The following PPP1R9A variants were observed in gnomAD, a reference collection of about 807,000 sequenced individuals.
The protein encoded by PPP1R9A is neurabin-1.
PPP1R9A carries 59 observed loss-of-function variants against 141.9 expected under a neutral mutation model. That is an observed-to-expected ratio of 0.42 (90% CI 0.34 to 0.52). The LOEUF (loss-of-function observed/expected upper bound fraction) is 0.52, where lower values mean the gene tolerates loss of function less well. Among genes scored for constraint, PPP1R9A ranks in the 20% least tolerant of loss-of-function variants. The pLI, the probability that PPP1R9A is intolerant of heterozygous loss-of-function variation, is 0.10. For synonymous variants in PPP1R9A, 500 were observed against 569.7 expected, an observed-to-expected ratio of 0.88 and a Z score of 1.74; for missense variants, 1,444 against 1,611.9, an observed-to-expected ratio of 0.90 and a Z score of 1.78.
intron 2 of PPP1R9A, among the ~76,000 whole-genome samples, chr7:95,006,889 T>G (rs2151577738): frequency 6.6e-6 from 1 of 150,892 alleles, no homozygotes; most frequent in African/African-American, 2.4e-5. Flanking sequence ...AGAGACGGAG[T>G]TTCGCGCTTG....
intron 2 of PPP1R9A, among the ~76,000 whole-genome samples, chr7:94,920,445 G>A (rs950147938): frequency 2.6e-5 from 4 of 151,894 alleles, no homozygotes; most frequent in Non-Finnish European, 4.4e-5. Flanking sequence ...AGAAGACAGC[G>A]AAATACAGTA....
chr7:94,918,713 G>A (rs933734661), intron 2 of PPP1R9A, among the ~76,000 whole-genome samples: 55 of 150,908 alleles, frequency 3.6e-4, no homozygotes, highest in African/African-American at 1.3e-3. Flanking sequence ...ACTTACTTCT[G>A]GACATTTCTT....
intron 2 of PPP1R9A, among the ~76,000 whole-genome samples, chr7:95,044,812 G>T (rs913512548): frequency 1.2e-4 from 18 of 151,092 alleles, no homozygotes; most frequent in African/African-American, 4.4e-4. Flanking sequence ...CGCTCAAGTG[G>T]TCCTCCCTCC....
intron 2 of PPP1R9A, among the ~76,000 whole-genome samples, chr7:95,032,057 C>A (rs1807766002): frequency 6.6e-6 from 1 of 152,094 alleles, no homozygotes; most frequent in African/African-American, 2.4e-5. Context: ...TGATATATAG[C>A]CTTTTGAGAT....
chr7:95,014,514 T>G (rs1056851488), intron 2 of PPP1R9A, among the ~76,000 whole-genome samples: 13 of 152,070 alleles, frequency 8.5e-5, no homozygotes, highest in African/African-American at 3.1e-4. Flanking sequence ...AATTATTGAT[T>G]ATATTAACTT....
At chr7:94,929,576 A>G (rs1204080355) in intron 2 of PPP1R9A, among the ~76,000 whole-genome samples, 1 of 152,220 alleles carries the variant, frequency 6.6e-6, no homozygotes, top group East Asian at 1.9e-4. Flanking sequence ...ACAAAGTTTA[A>G]TATTGTTGGT....
upstream of PPP1R9A, chr7:94,907,575 G>A (rs1790887642): frequency 6.6e-6 from 1 of 152,030 alleles, no homozygotes; most frequent in Non-Finnish European, 1.5e-5. Flanking sequence ...GGGGTGGGGC[G>A]GCCTCGCCTC....
intron 2 of PPP1R9A, among the ~76,000 whole-genome samples, chr7:95,091,898 T>C (rs1229350855): frequency 6.6e-6 from 1 of 150,398 alleles, no homozygotes; most frequent in African/African-American, 2.5e-5. Context: ...CATGGACTTG[T>C]ATTTCGTTGT....
intron 2 of PPP1R9A, among the ~76,000 whole-genome samples, chr7:95,049,159 T>C (rs985541628): frequency 4.6e-5 from 7 of 152,168 alleles, no homozygotes; most frequent in African/African-American, 1.4e-4. Flanking sequence ...GAAAGAGATA[T>C]GCATAGGAGT....
intron 5 of PPP1R9A, among the ~76,000 whole-genome samples, chr7:95,186,261 A>G (rs534494900): frequency 1.1e-4 from 16 of 149,786 alleles, no homozygotes; most frequent in Non-Finnish European, 2.0e-4. Flanking sequence ...ATATTTTTTT[A>G]GGAGGGTGAG....
chr7:95,241,174 A>T (rs1167960202), intron 8 of PPP1R9A, among the ~76,000 whole-genome samples: 1 of 152,172 alleles, frequency 6.6e-6, no homozygotes, highest in African/African-American at 2.4e-5. Flanking sequence ...CTAGCAAGGC[A>T]CTTACTGAAG....
In PPP1R9A at chr7:95,119,436, C is replaced by T. The variant is rs531944787; in HGVS notation, c.1529-1276C>T. 1.1e-3 allele frequency among the ~76,000 whole-genome samples: 167 copies of T among 152,264 alleles called. 2 individuals are homozygous for T. Among genetic ancestry groups the T allele is most frequent in the African/African-American group, 3.9e-3 (162 of 41,562 alleles). On this transcript the variant is annotated intron_variant, in intron 3 of 19. Transcript: ENST00000433360. ...ATTAGAAATAATTTAGAGATATGGA[C>T]ATTGAGGACATTGATATCCATGACT...
At chr7:95,039,246 T>C (rs1808868265) in intron 2 of PPP1R9A, among the ~76,000 whole-genome samples, 2 of 152,104 alleles carry the variant, frequency 1.3e-5, no homozygotes, top group African/African-American at 4.8e-5. Context: ...AGATGGGCTA[T>C]GTAAGAATGG....
intron 8 of PPP1R9A, among the ~76,000 whole-genome samples, chr7:95,226,565 T>G (rs10258049): frequency 0.012 from 1,750 of 152,010 alleles, 28 homozygotes; most frequent in African/African-American, 0.041. Context: ...TTGAACAGAG[T>G]TAATAGTACT....
chr7:95,023,879 A>G (rs1806396269), intron 2 of PPP1R9A, among the ~76,000 whole-genome samples: 1 of 152,102 alleles, frequency 6.6e-6, no homozygotes, highest in Admixed American at 6.6e-5. Context: ...TTGTGATGTT[A>G]GGGTGTCGAT....
At chr7:95,055,671 C>T (rs1478011265) in intron 2 of PPP1R9A, among the ~76,000 whole-genome samples, 1 of 152,106 alleles carries the variant, frequency 6.6e-6, no homozygotes, top group Non-Finnish European at 1.5e-5. Context: ...CATGTTAATT[C>T]TGCATCATGT....
At chr7:95,143,305 A>C (rs1827028060) in intron 4 of PPP1R9A, among the ~76,000 whole-genome samples, 1 of 152,094 alleles carries the variant, frequency 6.6e-6, no homozygotes, top group Non-Finnish European at 1.5e-5. Flanking sequence ...TTTAGTCTTT[A>C]TTGGCATTCC....
intron 2 of PPP1R9A, among the ~76,000 whole-genome samples, chr7:94,981,087 A>G (rs73726026): frequency 0.012 from 1,872 of 152,248 alleles, 33 homozygotes; most frequent in African/African-American, 0.041. Flanking sequence ...GCTTGCTCAC[A>G]GTTTTTCATC....
chr7:95,039,324 T>G (rs552378833), intron 2 of PPP1R9A, among the ~76,000 whole-genome samples: 192 of 152,156 alleles, frequency 1.3e-3, no homozygotes, highest in African/African-American at 4.4e-3. Context: ...AATCCAGCAC[T>G]TTGGGAGGCT....
Sources: allele counts gnomAD v4.1 joint callset (sites outside exome capture counted in the v4.1 genomes callset), GRCh38; gene constraint gnomAD v4.1.1; transcripts MANE v1.5; gene names NCBI Gene and HGNC (gene_info 2026-07-23, HGNC 2026-07-21).